PDLIM5: variants seen among roughly 807,000 people sequenced by gnomAD.
PDLIM5 encodes PDZ and LIM domain protein 5.
PDLIM5 carries 34 observed loss-of-function variants against 64.2 expected under a neutral mutation model. That is an observed-to-expected ratio of 0.53 (90% CI 0.40 to 0.71). The LOEUF (loss-of-function observed/expected upper bound fraction) is 0.71, where lower values mean the gene tolerates loss of function less well. Ranked by LOEUF, PDLIM5 falls within the 30% of genes least tolerant of loss-of-function variation. PDLIM5 has a pLI of 0.00. For missense variants in PDLIM5, 683 were observed against 733.6 expected (o/e 0.93, Z 0.80); for synonymous variants, 253 against 269.1 (o/e 0.94, Z 0.59).
intron 7 of PDLIM5, chr4:94,586,877 C>A: frequency 9.8e-7 from 1 of 1,015,452 alleles, no homozygotes; most frequent in East Asian, 2.9e-5. Flanking sequence ...TGAAATTAAG[C>A]TTTTATAAGG....
chr4:94,482,943 C>A (rs1177049917), intron 2 of PDLIM5, among the ~76,000 whole-genome samples: 1 of 151,998 alleles, frequency 6.6e-6, no homozygotes, highest in African/African-American at 2.4e-5. Flanking sequence ...GAAATGAACA[C>A]CAAAATGTTA....
At chr4:94,566,807 T>G (rs947490096) in intron 3 of PDLIM5, among the ~76,000 whole-genome samples, 1 of 152,256 alleles carries the variant, frequency 6.6e-6, no homozygotes, top group Admixed American at 6.5e-5. Context: ...TGAATTGTGC[T>G]TGCTGATACT....
intron 3 of PDLIM5, among the ~76,000 whole-genome samples, chr4:94,526,966 C>G (rs1013698861): frequency 1.3e-5 from 2 of 151,132 alleles, no homozygotes; most frequent in Non-Finnish European, 2.9e-5. Flanking sequence ...AGCTCCTGAC[C>G]TCAAGTGATC....
intron 2 of PDLIM5, among the ~76,000 whole-genome samples, chr4:94,467,355 C>T (rs1000802609): frequency 6.8e-6 from 1 of 147,830 alleles, no homozygotes; most frequent in South Asian, 2.1e-4. Context: ...CGCTCTGTTG[C>T]CCAGGCTGGA....
chr4:94,610,285 G>A (rs779665715), intron 7 of PDLIM5: 3 of 1,516,650 alleles, frequency 2.0e-6, no homozygotes, highest in Non-Finnish European at 2.6e-6. Context: ...TGTGTCTGCT[G>A]TTATTGCTAC....
At chr4:94,546,729 G>A (rs542940992) in intron 3 of PDLIM5, among the ~76,000 whole-genome samples, 1 of 152,056 alleles carries the variant, frequency 6.6e-6, no homozygotes, top group South Asian at 2.1e-4. Context: ...GGTAAGTGGT[G>A]CAAAAACACC....
At chr4:94,498,966 G>C (rs1231204343) in intron 2 of PDLIM5, among the ~76,000 whole-genome samples, 1 of 152,214 alleles carries the variant, frequency 6.6e-6, no homozygotes, top group Non-Finnish European at 1.5e-5. Context: ...CGGTAAAAAT[G>C]TAGCTGTTAA....
At chr4:94,613,479 C>G (rs1738532084) in intron 7 of PDLIM5, among the ~76,000 whole-genome samples, 1 of 152,118 alleles carries the variant, frequency 6.6e-6, no homozygotes, top group Non-Finnish European at 1.5e-5. Context: ...GGTTAACTTT[C>G]TTCCTTTTCG....
At chr4:94,550,013 T>C (rs1732671202) in intron 3 of PDLIM5, 1 of 152,138 alleles carries the variant, frequency 6.6e-6, no homozygotes, top group African/African-American at 2.4e-5. Flanking sequence ...GAAAGCTTCA[T>C]TTTATATAGT....
intron 2 of PDLIM5, among the ~76,000 whole-genome samples, chr4:94,522,582 G>A (rs1452119846): frequency 2.0e-5 from 3 of 152,040 alleles, no homozygotes; most frequent in Non-Finnish European, 4.4e-5. Flanking sequence ...CACCATGTTG[G>A]CCAGGCTGGT....
chr4:94,551,843 A>G (rs1427466386), intron 3 of PDLIM5, among the ~76,000 whole-genome samples: 1 of 152,130 alleles, frequency 6.6e-6, no homozygotes. Flanking sequence ...TGTGTAGTTG[A>G]GCGTAAATTG....
chr4:94,591,559 G>A (rs1372927092), intron 7 of PDLIM5, among the ~76,000 whole-genome samples: 2 of 152,134 alleles, frequency 1.3e-5, no homozygotes, highest in East Asian at 3.9e-4. Flanking sequence ...CCCTCTTCAA[G>A]ACCCTAGGCT....
chr4:94,588,501 T>A (rs963637126), intron 7 of PDLIM5, among the ~76,000 whole-genome samples: 2 of 151,966 alleles, frequency 1.3e-5, no homozygotes, highest in Admixed American at 6.6e-5. Context: ...AGGCGAAGGT[T>A]GCGGTGAGCC....
chr4:94,544,114 G>T (rs1354391195), intron 3 of PDLIM5, among the ~76,000 whole-genome samples: 1 of 151,952 alleles, frequency 6.6e-6, no homozygotes, highest in African/African-American at 2.4e-5. Context: ...CCTTGCAGTT[G>T]CACCACTCCA....
chr4:94,522,005 C>G (rs914930879), intron 2 of PDLIM5, among the ~76,000 whole-genome samples: 5 of 152,100 alleles, frequency 3.3e-5, no homozygotes, highest in African/African-American at 1.2e-4. Flanking sequence ...CCAGATTTGA[C>G]TTTTATTTTA....
intron 3 of PDLIM5, among the ~76,000 whole-genome samples, chr4:94,554,625 T>C (rs932950755): frequency 1.3e-5 from 2 of 152,222 alleles, no homozygotes; most frequent in African/African-American, 4.8e-5. Flanking sequence ...TACAATCACG[T>C]AATTATAATT....
chr4:94,479,541 G>A (rs1725668541), intron 2 of PDLIM5, among the ~76,000 whole-genome samples: 1 of 151,032 alleles, frequency 6.6e-6, no homozygotes, highest in Admixed American at 6.6e-5. Context: ...ATGTTGCCCA[G>A]TCTGGTCTCA....
At chr4:94,462,067 T>C (rs1325169128) in intron 2 of PDLIM5, among the ~76,000 whole-genome samples, 1 of 152,198 alleles carries the variant, frequency 6.6e-6, no homozygotes, top group Non-Finnish European at 1.5e-5. Context: ...AGTTTCACCA[T>C]GTTGGCCAGT....
At chr4:94,467,350 T>C (rs904131612) in intron 2 of PDLIM5, among the ~76,000 whole-genome samples, 1 of 151,294 alleles carries the variant, frequency 6.6e-6, no homozygotes, top group Non-Finnish European at 1.5e-5. Flanking sequence ...AGTCTCGCTC[T>C]GTTGCCCAGG....
Sources: gnomAD v4.1 joint callset for allele counts (sites outside exome capture counted in the v4.1 genomes callset) on GRCh38, gnomAD v4.1.1 for gene constraint, MANE v1.5 for transcripts, NCBI Gene and HGNC (gene_info 2026-07-23, HGNC 2026-07-21) for gene names.